Variants in RPL22 observed in about 807,000 individuals in gnomAD.
RPL22 encodes large ribosomal subunit protein eL22.
In RPL22, 4 loss-of-function variants were observed where a neutral mutation model predicts 16.2. That is an observed-to-expected ratio of 0.25 (90% CI 0.12 to 0.57). RPL22 has a LOEUF of 0.57. RPL22 is among the 20% of genes least tolerant of loss of function. The pLI is 0.92. For missense variants in RPL22, 83 were observed against 156.1 expected, an observed-to-expected ratio of 0.53 and a Z score of 2.49; for synonymous variants, 43 against 54.8, an observed-to-expected ratio of 0.78 and a Z score of 0.95.
intron 2 of RPL22, among the ~76,000 whole-genome samples, chr1:6,195,579 G>A (rs987091962): frequency 1.3e-4 from 19 of 150,558 alleles, no homozygotes; most frequent in Admixed American, 4.6e-4. Context: ...GTGAAGCGCC[G>A]TCTCTACCAC....
At chr1:6,189,277 C>A (rs547347138) in intron 3 of RPL22, among the ~76,000 whole-genome samples, 22 of 147,488 alleles carry the variant, frequency 1.5e-4, no homozygotes, top group African/African-American at 5.5e-4. Context: ...CTCAATTCAA[C>A]TGTCCACTTT....
At chr1:6,199,454 A>C in intron 1 of RPL22, 108 bp downstream of exon 1, 8 of 1,483,902 alleles carry the variant, frequency 5.4e-6, no homozygotes, top group Non-Finnish European at 7.2e-6. Flanking sequence ...AGCCCACCCC[A>C]GCAGGACGCT....
At chr1:6,194,331 A>G (rs757208784) in intron 2 of RPL22, among the ~76,000 whole-genome samples, 4 of 152,242 alleles carry the variant, frequency 2.6e-5, no homozygotes, top group Non-Finnish European at 5.9e-5. Context: ...AACCTAGTAG[A>G]AAGAGCAAAG....
chr1:6,197,986 G>A (rs1667742492), intron 1 of RPL22: 3 of 565,312 alleles, frequency 5.3e-6, no homozygotes, highest in Non-Finnish European at 9.4e-6. Flanking sequence ...CTTTTGATGG[G>A]GAAATCATTC....
intron 3 of RPL22, among the ~76,000 whole-genome samples, chr1:6,189,568 A>G (rs547704116): frequency 1.4e-5 from 2 of 142,944 alleles, no homozygotes; most frequent in African/African-American, 2.7e-5. Flanking sequence ...AAAAAAAAGG[A>G]AAAAAAAAAA....
rs149793616 is a variant in RPL22, at chr1:6,193,664, T to C, written c.118-610A>G. 5.1e-3 allele frequency among the ~76,000 whole-genome samples: 762 copies of C among 150,126 alleles called. 4 individuals carry two copies. Among genetic ancestry groups the C allele is most frequent in the African/African-American group, 0.017 (693 of 40,974 alleles). The stretch of plus-strand genomic sequence containing the variant: ...AGGGGTCTCTCTATGTTGGCTAGAT[T>C]GGTCTCAAATTCCTGGGCTCAAGTG... On this transcript the variant is annotated intron_variant, in intron 2 of 3. Transcript: ENST00000234875.
Position 6,190,944 on chromosome 1 carries a change from C to G in RPL22, c.242+1986G>C, listed in dbSNP as rs181716143. 1.2e-4 allele frequency among the ~76,000 whole-genome samples: 18 copies of G among 152,320 alleles called. No homozygotes were observed. The East Asian group carries it at 3.3e-3, about 28-fold the overall frequency. On this transcript the variant is annotated intron_variant, in intron 3 of 3. Transcript: ENST00000234875. ...GGAATTCAAAAGGAAAGCTCTTGGT[C>G]AGACACAGTGGTTCATGCCTGTAAT...
chr1:6,193,943 C>T lies in RPL22; in HGVS notation c.118-889G>A, dbSNP rs577388379. 1.9e-4 allele frequency among the ~76,000 whole-genome samples: 29 copies of T among 152,098 alleles called. No individual in the cohort carries two copies. In the South Asian group the frequency reaches 2.3e-3, roughly 12 times the overall value. ...CCCAAGGCCAGACTTTTACAAGATA[C>T]GCCTGTAATCCCAGCACTTTGAGAG... On this transcript the variant is annotated intron_variant, in intron 2 of 3. Transcript: ENST00000234875.
Position 6,187,630 on chromosome 1 carries a change from A to C in RPL22, c.243-814T>G, listed in dbSNP as rs557721767. On this transcript the variant is annotated intron_variant, in intron 3 of 3. Coordinates refer to ENST00000234875, the MANE Select transcript of RPL22 (RefSeq NM_000983.4). ...CTCCATCTCAAAAAAAAAAAAACAAAAAAAAAAAACAAGAGCAGATAAGTA... is the reference window on the plus strand; with the variant it reads ...CTCCATCTCAAAAAAAAAAAAACAACAAAAAAAAACAAGAGCAGATAAGTA... Among the ~76,000 whole-genome samples the C allele has an allele frequency of 4.0e-5, 6 of 151,880 alleles. No individual in the cohort carries two copies. In the East Asian group the frequency reaches 7.7e-4, roughly 20 times the overall value.
At chr1:6,194,824 G>A (rs1029782307) in intron 2 of RPL22, among the ~76,000 whole-genome samples, 2 of 152,066 alleles carry the variant, frequency 1.3e-5, no homozygotes, top group African/African-American at 4.8e-5. Context: ...TGAGGTTGAG[G>A]CTGCAGTGAG....
At chr1:6,191,097 C>T (rs1433882529) in intron 3 of RPL22, among the ~76,000 whole-genome samples, 4 of 151,694 alleles carry the variant, frequency 2.6e-5, no homozygotes, top group South Asian at 2.1e-4. Flanking sequence ...CGGTGGCTCA[C>T]GCCTGTAATC....
chr1:6,198,080 A>G (rs749364539), intron 1 of RPL22: 17 of 281,136 alleles, frequency 6.0e-5, no homozygotes, highest in Non-Finnish European at 1.1e-4. Flanking sequence ...CCACAATAAA[A>G]TGAACACTTC....
chr1:6,195,516 G>A (rs147190771), intron 2 of RPL22, among the ~76,000 whole-genome samples: 1,812 of 151,838 alleles, frequency 0.012, 41 homozygotes, highest in African/African-American at 0.041. Context: ...TTGGGAGGCC[G>A]AGGCTGGCAA....
intron 3 of RPL22, among the ~76,000 whole-genome samples, chr1:6,188,599 T>C (rs1346672916): frequency 6.6e-6 from 1 of 151,338 alleles, no homozygotes; most frequent in Non-Finnish European, 1.5e-5. Context: ...TCTCACCGGC[T>C]TGCTTCCGTG....
At chr1:6,196,006 T>A (rs1456883342) in intron 2 of RPL22, among the ~76,000 whole-genome samples, 1 of 152,056 alleles carries the variant, frequency 6.6e-6, no homozygotes, top group Non-Finnish European at 1.5e-5. Context: ...GAGATTGTGG[T>A]GAGCCGAGAC....
chr1:6,197,192 G>A (rs1360826547), intron 2 of RPL22, among the ~76,000 whole-genome samples: 1 of 152,146 alleles, frequency 6.6e-6, no homozygotes, highest in Non-Finnish European at 1.5e-5. Flanking sequence ...ACCACACCCA[G>A]CTAATTTTTT....
chr1:6,193,058 T>C lies in RPL22; in HGVS notation c.118-4A>G. 6.2e-7 allele frequency: 1 copy of C among 1,614,064 alleles called. No individual in the cohort carries two copies. Among genetic ancestry groups the C allele is most frequent in the Non-Finnish European group, 8.5e-7 (1 of 1,179,998 alleles). On this transcript the variant is annotated splice_region_variant and splice_polypyrimidine_tract_variant and intron_variant, in intron 2 of 3. Transcript: ENST00000234875. ...TCCTTTCTTGCAAAAACTGCTCCTG[T>C]AGAAATCATTAAATTGACCAATGAA...
intron 2 of RPL22, among the ~76,000 whole-genome samples, chr1:6,193,323 ATTTTTT>A (rs755169791): frequency 7.5e-6 from 1 of 133,108 alleles, no homozygotes; most frequent in African/African-American, 2.8e-5. Flanking sequence ...TGACTTTACA[ATTTTTT>A]TTTTTTTTTT....
At position 6,189,567 on chromosome 1, in the gene RPL22, GA is replaced by G. The variant is rs1340397797; in HGVS notation, c.243-2752del. On this transcript the variant is annotated intron_variant, in intron 3 of 3. Transcript: ENST00000234875. The stretch of plus-strand genomic sequence containing the variant: ...GAGTAAGACCCTATCTAAAAAAAAG[GA>G]AAAAAAAAAATCCCTAATAGTACAC... Among the ~76,000 whole-genome samples the G allele has an allele frequency of 1.8e-3, 219 of 120,982 alleles. 2 individuals are homozygous for G. Among genetic ancestry groups the G allele is most frequent in the African/African-American group, 3.3e-3 (102 of 30,846 alleles). 79.4% of individuals were successfully genotyped at this position (120,982 alleles called of 152,430 possible). A position where few individuals can be genotyped will look rare whatever the true frequency, so the allele number is the denominator to read the frequency against.
Sources: allele counts gnomAD v4.1 joint callset (sites outside exome capture counted in the v4.1 genomes callset), GRCh38; gene constraint gnomAD v4.1.1; transcripts MANE v1.5; gene names NCBI Gene and HGNC (gene_info 2026-07-23, HGNC 2026-07-21).